The following ESRRG variants were observed in gnomAD, a reference collection of about 807,000 sequenced individuals.
The protein encoded by ESRRG is estrogen-related receptor gamma.
In ESRRG, 13 loss-of-function variants were observed where a neutral mutation model predicts 44.0. That is an observed-to-expected ratio of 0.30 (90% CI 0.19 to 0.47). The LOEUF (loss-of-function observed/expected upper bound fraction) is 0.47, where lower values mean the gene tolerates loss of function less well. Among genes scored for constraint, ESRRG ranks in the 20% least tolerant of loss-of-function variants. The pLI is 1.00. For synonymous variants in ESRRG, 215 were observed against 214.6 expected (o/e 1.00, Z -0.02); for missense variants, 395 against 580.6 (o/e 0.68, Z 3.29).
chr1:217,085,746 C>G (rs1396636954), intron 1 of ESRRG, among the ~76,000 whole-genome samples: 1 of 151,986 alleles, frequency 6.6e-6, no homozygotes, highest in Non-Finnish European at 1.5e-5. Flanking sequence ...ACCTCAGCCT[C>G]CCAAAGTGCT....
intron 3 of ESRRG, among the ~76,000 whole-genome samples, chr1:216,594,315 C>G (rs926517160): frequency 2.0e-5 from 3 of 152,064 alleles, no homozygotes; most frequent in African/African-American, 7.2e-5. Context: ...TATAAATACT[C>G]TCATCTCTGG....
chr1:216,870,670 A>T (rs115862685), intron 2 of ESRRG, among the ~76,000 whole-genome samples: 1,656 of 152,128 alleles, frequency 0.011, 16 homozygotes, highest in South Asian at 0.023. Context: ...TTTAACAATA[A>T]TTCAATTTCT....
At chr1:216,908,879 T>C (rs1376541376) in intron 2 of ESRRG, among the ~76,000 whole-genome samples, 4 of 152,048 alleles carry the variant, frequency 2.6e-5, no homozygotes, top group Non-Finnish European at 4.4e-5. Context: ...ATTTCGCTCT[T>C]AAATTTGGGT....
chr1:217,109,687 C>T (rs1364670696), intron 1 of ESRRG, among the ~76,000 whole-genome samples: 2 of 152,158 alleles, frequency 1.3e-5, no homozygotes, highest in Admixed American at 6.5e-5. Flanking sequence ...CCCACCTGCT[C>T]TCCTCACCAA....
chr1:216,672,945 C>T (rs971538441), intron 2 of ESRRG, among the ~76,000 whole-genome samples: 11 of 152,146 alleles, frequency 7.2e-5, no homozygotes, highest in African/African-American at 1.9e-4. Context: ...TGGATGCACA[C>T]GTCCCTTAAG....
intron 1 of ESRRG, among the ~76,000 whole-genome samples, chr1:216,998,812 T>A (rs1212894876): frequency 2.6e-5 from 4 of 152,260 alleles, no homozygotes; most frequent in Non-Finnish European, 4.4e-5. Flanking sequence ...AACAAATTTA[T>A]ACAATTTATA....
chr1:216,975,467 T>C (rs1032374582), intron 1 of ESRRG, among the ~76,000 whole-genome samples: 6 of 152,178 alleles, frequency 3.9e-5, no homozygotes, highest in African/African-American at 1.4e-4. Flanking sequence ...AGCCATAAAT[T>C]CTTCTATCAT....
At chr1:216,593,097 A>G (rs2057938077) in intron 3 of ESRRG, among the ~76,000 whole-genome samples, 1 of 152,192 alleles carries the variant, frequency 6.6e-6, no homozygotes, top group African/African-American at 2.4e-5. Context: ...GAAGAAATCT[A>G]TTAGAGAAAG....
intron 2 of ESRRG, among the ~76,000 whole-genome samples, chr1:216,925,166 T>C (rs1409174022): frequency 6.6e-6 from 1 of 152,096 alleles, no homozygotes; most frequent in Non-Finnish European, 1.5e-5. Flanking sequence ...TGGCCAAGTG[T>C]GGTGGCTCAT....
chr1:216,723,504 T>A, upstream of ESRRG: 1 of 546,512 alleles, frequency 1.8e-6, no homozygotes, highest in Non-Finnish European at 3.2e-6. Context: ...ACATATGCAG[T>A]CCCACCGGCC....
chr1:216,756,486 T>C (rs1156347708), intron 2 of ESRRG, among the ~76,000 whole-genome samples: 1 of 151,974 alleles, frequency 6.6e-6, no homozygotes, highest in Non-Finnish European at 1.5e-5. Flanking sequence ...CGAGAGGAAT[T>C]TGTACTTATC....
intron 2 of ESRRG, among the ~76,000 whole-genome samples, chr1:216,915,737 T>C (rs2061080776): frequency 6.6e-6 from 1 of 152,148 alleles, no homozygotes; most frequent in African/African-American, 2.4e-5. Context: ...TTAACTGACA[T>C]CCAGGTAATG....
At chr1:217,114,667 C>CTTT (rs139701773) in intron 1 of ESRRG, among the ~76,000 whole-genome samples, 41 of 107,220 alleles carry the variant, frequency 3.8e-4, no homozygotes, top group Non-Finnish European at 5.5e-4. Flanking sequence ...CAAAAGATTT[C>CTTT]TTTTTTTTTT....
intron 1 of ESRRG, among the ~76,000 whole-genome samples, chr1:217,124,979 C>A (rs1408863332): frequency 6.6e-6 from 1 of 152,186 alleles, no homozygotes; most frequent in Admixed American, 6.5e-5. Flanking sequence ...AACAACCCTT[C>A]TGTCTTAACC....
At chr1:216,926,896 C>T (rs192912198) in intron 2 of ESRRG, among the ~76,000 whole-genome samples, 2 of 152,280 alleles carry the variant, frequency 1.3e-5, no homozygotes, top group Non-Finnish European at 2.9e-5. Flanking sequence ...ATGCAGCATG[C>T]TGTCACTAAG....
Position 216,967,880 on chromosome 1 carries a change from T to C in ESRRG, c.-105-28207A>G, listed in dbSNP as rs2070791177. Among the ~76,000 whole-genome samples the C allele has an allele frequency of 3.3e-5, 5 of 152,198 alleles. No individual in the cohort carries two copies. The South Asian group carries it at 1.0e-3, about 32-fold the overall frequency. Reference sequence around the variant, plus strand: ...TATCAGTAATGAATGAAAGTTCCTGTAGTTTCACATCCTCATCAGCATTTG... The same window carrying C: ...TATCAGTAATGAATGAAAGTTCCTGCAGTTTCACATCCTCATCAGCATTTG... On this transcript the variant is annotated intron_variant, in intron 1 of 7. Coordinates refer to the ESRRG transcript ENST00000359162.
intron 1 of ESRRG, among the ~76,000 whole-genome samples, chr1:216,992,158 A>C (rs895954754): frequency 1.3e-5 from 2 of 152,210 alleles, no homozygotes; most frequent in Non-Finnish European, 2.9e-5. Context: ...CACACATCCT[A>C]AACCACACAC....
chr1:216,914,821 G>A (rs1415442955), intron 2 of ESRRG, among the ~76,000 whole-genome samples: 1 of 152,066 alleles, frequency 6.6e-6, no homozygotes, highest in Non-Finnish European at 1.5e-5. Context: ...CACTGTCTGG[G>A]CGGAGGACAG....
At chr1:216,638,568 G>T (rs2065772866) in intron 3 of ESRRG, among the ~76,000 whole-genome samples, 1 of 152,126 alleles carries the variant, frequency 6.6e-6, no homozygotes, top group African/African-American at 2.4e-5. Flanking sequence ...TCCCTCTGTG[G>T]AAAACATGAA....
Sources: gnomAD v4.1 joint callset for allele counts (sites outside exome capture counted in the v4.1 genomes callset) on GRCh38, gnomAD v4.1.1 for gene constraint, MANE v1.5 for transcripts, NCBI Gene and HGNC (gene_info 2026-07-23, HGNC 2026-07-21) for gene names.